NRG1: variants seen among roughly 807,000 people sequenced by gnomAD.
NRG1 encodes the protein pro-neuregulin-1, membrane-bound isoform.
Under a neutral mutation model 63.8 loss-of-function variants are expected in NRG1, and 18 were observed. That is an observed-to-expected ratio of 0.28 (90% CI 0.19 to 0.42). The LOEUF (loss-of-function observed/expected upper bound fraction) is 0.42, where lower values mean the gene tolerates loss of function less well. Ranked by LOEUF, NRG1 falls within the 10% of genes least tolerant of loss-of-function variation. The pLI, the probability that NRG1 is intolerant of heterozygous loss-of-function variation, is 1.00. For missense variants in NRG1, 762 were observed against 814.7 expected, an observed-to-expected ratio of 0.94 and a Z score of 0.79; for synonymous variants, 302 against 301.3, an observed-to-expected ratio of 1.00 and a Z score of -0.02.
chr8:32,385,509 G>C (rs112354579), intron 1 of NRG1, among the ~76,000 whole-genome samples: 1 of 152,226 alleles, frequency 6.6e-6, no homozygotes, highest in East Asian at 1.9e-4. Flanking sequence ...GTACAGTGGC[G>C]TCTGCTTGGT....
intron 1 of NRG1, among the ~76,000 whole-genome samples, chr8:31,872,733 A>G (rs1409962533): frequency 6.6e-6 from 1 of 152,236 alleles, no homozygotes; most frequent in Non-Finnish European, 1.5e-5. Context: ...AGGAATACAG[A>G]GTTCATCATA....
At chr8:32,338,533 G>A (rs1803633518) in intron 1 of NRG1, among the ~76,000 whole-genome samples, 1 of 152,116 alleles carries the variant, frequency 6.6e-6, no homozygotes, top group Non-Finnish European at 1.5e-5. Context: ...AAAACAAGCA[G>A]TCAAGTGAGT....
At chr8:31,904,982 T>C (rs567218715) in intron 1 of NRG1, among the ~76,000 whole-genome samples, 7 of 152,002 alleles carry the variant, frequency 4.6e-5, no homozygotes, top group African/African-American at 1.4e-4. Flanking sequence ...AATTTACCTA[T>C]ATAACAAACC....
intron 1 of NRG1, among the ~76,000 whole-genome samples, chr8:32,180,162 A>G (rs867579402): frequency 6.6e-6 from 1 of 152,210 alleles, no homozygotes; most frequent in Middle Eastern, 3.4e-3. Context: ...GCTTCCAGAT[A>G]TTTTTGGATT....
chr8:32,285,654 G>C (rs746043957), intron 1 of NRG1, among the ~76,000 whole-genome samples: 2 of 152,126 alleles, frequency 1.3e-5, no homozygotes, highest in Admixed American at 1.3e-4. Context: ...CTTGGAGTAG[G>C]GGGTGCTGAT....
At chr8:31,890,925 C>T (rs191780266) in intron 1 of NRG1, among the ~76,000 whole-genome samples, 53 of 152,282 alleles carry the variant, frequency 3.5e-4, no homozygotes, top group Non-Finnish European at 5.9e-4. Context: ...TTGCCTTTTC[C>T]ACAAATGGTG....
chr8:31,830,932 C>T (rs1301738668), intron 1 of NRG1, among the ~76,000 whole-genome samples: 2 of 152,084 alleles, frequency 1.3e-5, no homozygotes, highest in African/African-American at 4.8e-5. Flanking sequence ...TGTGGCTTCA[C>T]TCAACTTCCC....
chr8:32,542,772 T>C (rs187254923), intron 1 of NRG1, among the ~76,000 whole-genome samples: 2 of 152,306 alleles, frequency 1.3e-5, no homozygotes, highest in African/African-American at 4.8e-5. Flanking sequence ...TAAATTTGCA[T>C]TTCAAAAAGA....
At chr8:32,038,717 TGCTGTTACTAAGACTGGGGGCTGTGAGA>T (rs1819466403) in intron 1 of NRG1, among the ~76,000 whole-genome samples, 1 of 152,102 alleles carries the variant, frequency 6.6e-6, no homozygotes. Flanking sequence ...GAGCACGTAT[TGCTGTTACTAAGACTGGGGGCTGTGAGA>T]GGGCTTGGTG....
chr8:31,922,722 T>C (rs1834017906), intron 1 of NRG1, among the ~76,000 whole-genome samples: 1 of 152,172 alleles, frequency 6.6e-6, no homozygotes, highest in Non-Finnish European at 1.5e-5. Context: ...TTGCCATTGA[T>C]TATCTAGAAG....
At chr8:32,232,628 T>G (rs575101735) in intron 1 of NRG1, among the ~76,000 whole-genome samples, 1 of 152,280 alleles carries the variant, frequency 6.6e-6, no homozygotes, top group South Asian at 2.1e-4. Context: ...GCAAACATTC[T>G]CATTTCAGAC....
rs558721455 is a variant in NRG1 at position 31,735,710 on chromosome 8, T to A, written c.37+96279T>A. ...GCCAACACATAGATGTATTTCTTTTTAACTTAACTTTTTAGCATTATGCAG... is the reference window on the plus strand; with the variant it reads ...GCCAACACATAGATGTATTTCTTTTAAACTTAACTTTTTAGCATTATGCAG... On this transcript the variant is annotated intron_variant, in intron 1 of 10. Coordinates refer to the NRG1 transcript ENST00000519301. 3.9e-5 allele frequency among the ~76,000 whole-genome samples: 6 copies of A among 152,342 alleles called. No individual in the cohort carries two copies. In the South Asian group the frequency reaches 1.0e-3, roughly 26 times the overall value.
chr8:32,159,664 T>G (rs7820689), intron 1 of NRG1, among the ~76,000 whole-genome samples: 20,401 of 152,066 alleles, frequency 0.13, 3,311 homozygotes, highest in African/African-American at 0.39. Flanking sequence ...TATAGAATAT[T>G]TGTGGTAATT....
intron 1 of NRG1, among the ~76,000 whole-genome samples, chr8:31,973,523 G>A (rs980433860): frequency 4.6e-5 from 7 of 152,140 alleles, no homozygotes; most frequent in Non-Finnish European, 2.9e-5. Flanking sequence ...TCAAGGCTCC[G>A]TAAATATTCG....
At chr8:32,176,773 A>G (rs1394873923) in intron 1 of NRG1, among the ~76,000 whole-genome samples, 10 of 152,298 alleles carry the variant, frequency 6.6e-5, no homozygotes, top group African/African-American at 1.9e-4. Flanking sequence ...CAAAACCACA[A>G]TGAGATACCA....
intron 1 of NRG1, among the ~76,000 whole-genome samples, chr8:32,587,214 CA>C (rs895818031): frequency 7.1e-4 from 97 of 136,750 alleles, no homozygotes; most frequent in Admixed American, 6.6e-4. Context: ...ACTCTGCCGC[CA>C]AAAAAAAAAA....
intron 1 of NRG1, among the ~76,000 whole-genome samples, chr8:32,324,938 G>A (rs1339119697): frequency 1.3e-5 from 2 of 152,012 alleles, no homozygotes; most frequent in Non-Finnish European, 2.9e-5. Context: ...TGTAAAGTGA[G>A]GAATAATGAT....
At chr8:31,956,303 G>T (rs1804398659) in intron 1 of NRG1, among the ~76,000 whole-genome samples, 1 of 152,094 alleles carries the variant, frequency 6.6e-6, no homozygotes, top group Admixed American at 6.5e-5. Flanking sequence ...CTTTGTAAGT[G>T]GGAAGAAAAG....
At chr8:32,055,346 A>C (rs557707625) in intron 1 of NRG1, among the ~76,000 whole-genome samples, 78 of 152,282 alleles carry the variant, frequency 5.1e-4, no homozygotes, top group Non-Finnish European at 5.1e-4. Flanking sequence ...TGCCAGTTGC[A>C]AGAATTTTCT....
Sources: allele counts gnomAD v4.1 joint callset (sites outside exome capture counted in the v4.1 genomes callset), GRCh38; gene constraint gnomAD v4.1.1; transcripts MANE v1.5; gene names NCBI Gene and HGNC (gene_info 2026-07-23, HGNC 2026-07-21).